LAIR1: variants seen among roughly 807,000 people sequenced by gnomAD.
LAIR1 encodes leukocyte-associated immunoglobulin-like receptor 1.
Under a neutral mutation model 32.8 loss-of-function variants are expected in LAIR1, and 24 were observed. That is an observed-to-expected ratio of 0.73 (90% confidence interval 0.53 to 1.03). LAIR1 has a LOEUF of 1.03. LAIR1 is among the 50% of genes least tolerant of loss of function. The probability of loss-of-function intolerance (pLI) is 0.00; values close to 1 mark genes in which losing one functional copy is unlikely to be tolerated. For missense variants in LAIR1, 355 were observed against 347.5 expected (o/e 1.02, Z -0.17); for synonymous variants, 150 against 140.5 (o/e 1.07, Z -0.48).
chr19:54,363,506 C>A (rs1223868788), intron 2 of LAIR1, among the ~76,000 whole-genome samples: 1 of 152,136 alleles, frequency 6.6e-6, no homozygotes, highest in Non-Finnish European at 1.5e-5. Context: ...CCCAGGGTGA[C>A]CGCAGCACTA....
At position 54,364,632 on chromosome 19, in the gene LAIR1, G is replaced by A; in HGVS notation, c.34+139C>T. The A allele has an allele frequency of 1.1e-6, 1 of 883,972 alleles. No individual in the cohort carries two copies. Among genetic ancestry groups the A allele is most frequent in the Non-Finnish European group, 1.9e-6 (1 of 517,438 alleles). The allele number at this position is 883,972 out of a possible 1,614,324, so 54.8% of individuals were successfully genotyped here. A position where few individuals can be genotyped will look rare whatever the true frequency, so the allele number is the denominator to read the frequency against. The stretch of plus-strand genomic sequence containing the variant: ...CTTCTCTGATCAGACTTAGGCCCCA[G>A]GGAGAGCAGCAGGGCAGTCTTGGGA... On this transcript the variant is annotated intron_variant, in intron 1 of 9. Transcript: ENST00000391742. The surrounding 1 kb of genome is among the most constrained non-coding windows in gnomAD (Gnocchi z 4.8).
At chr19:54,358,399 T>TATATATATAATATATATATATA (rs1555937668) in intron 4 of LAIR1, 1 of 1,914 alleles carries the variant, frequency 5.2e-4, no homozygotes, top group Non-Finnish European at 1.0e-3. Context: ...ATATATATAA[T>TATATATATAATATATATATATA]ATATATATAT....
In LAIR1 at chr19:54,353,776, A is replaced by C. The variant is rs1375137556; in HGVS notation, c.*1492T>G. 6.6e-6 allele frequency: 1 copy of C among 151,158 alleles called. No individual in the cohort carries two copies. Among genetic ancestry groups the C allele is most frequent in the Non-Finnish European group, 1.5e-5 (1 of 67,850 alleles). The allele number at this position is 151,158 out of a possible 1,614,324, so 9.4% of individuals were successfully genotyped here. ...TTGACGGAGTCTCGCTCTGTCGCCC[A>C]GGCTGGAGTGCAGTGGCACCACCTC... On this transcript the variant is annotated 3_prime_UTR_variant, in exon 10 of 10. Coordinates refer to ENST00000391742, the MANE Select transcript of LAIR1 (RefSeq NM_002287.6).
At chr19:54,358,069 T>C (rs2081811929) in intron 4 of LAIR1, 1 of 146,498 alleles carries the variant, frequency 6.8e-6, no homozygotes, top group South Asian at 2.2e-4. Flanking sequence ...TTAATGTATA[T>C]AATGTTAATT....
rs6509867 is a variant in LAIR1 at position 54,354,326 on chromosome 19, C to A, written c.*942G>T. On this transcript the variant is annotated 3_prime_UTR_variant, in exon 10 of 10. Transcript: ENST00000391742. ...CTGTAGGGTCGGCTCTCTGCCTTCA[C>A]CCAGCCACACCTCCCTCATTCATTC... 0.2 allele frequency: 29,828 copies of A among 152,040 alleles called. 3,780 individuals are homozygous for A. The highest frequency in any genetic ancestry group is 0.35 in the African/African-American group (14,608 of 41,394). The allele number at this position is 152,040 out of a possible 1,614,324, so 9.4% of individuals were successfully genotyped here. A position where few individuals can be genotyped will look rare whatever the true frequency, so the allele number is the denominator to read the frequency against.
chr19:54,363,974 C>T (rs1224441293), intron 2 of LAIR1, among the ~76,000 whole-genome samples: 3 of 152,074 alleles, frequency 2.0e-5, no homozygotes, highest in African/African-American at 7.2e-5. Context: ...TGTGATGGGG[C>T]TGATATGTTA....
Position 54,355,955 on chromosome 19 carries a change from G to A in LAIR1, c.716C>T (p.Ser239Leu), listed in dbSNP as rs570552453. 14 of 1,594,368 alleles carry A rather than the reference G, an allele frequency of 8.8e-6. No homozygotes were observed. The Admixed American group carries it at 1.0e-4, about 11-fold the overall frequency. ...LPEKDRETDT[S>L]ALAAGSSQEV... ...TTAATAACTAGTAGGAAGGCTCACC[G>A]AGGTGTCCGTCTCTCTGTCCTTCTC... Residue 239 changes from serine (S) to leucine (L), a missense_variant and splice_region_variant, in exon 9 of 10, where the codon TCG (serine) becomes TTG (leucine). Coordinates refer to ENST00000391742, the MANE Select transcript of LAIR1 (RefSeq NM_002287.6). The surrounding 1 kb of genome is among the most constrained non-coding windows in gnomAD (Gnocchi z 4.7).
At position 54,352,106 on chromosome 19, in the gene LAIR1, C is replaced by A. The variant is rs2081543613; in HGVS notation, c.*3162G>T. 6.6e-6 allele frequency: 1 copy of A among 152,422 alleles called. No homozygotes were observed. 9.4% of individuals were successfully genotyped at this position (152,422 alleles called of 1,614,324 possible). A position where few individuals can be genotyped will look rare whatever the true frequency, so the allele number is the denominator to read the frequency against. On this transcript the variant is annotated 3_prime_UTR_variant, in exon 10 of 10. Coordinates refer to ENST00000391742, the MANE Select transcript of LAIR1 (RefSeq NM_002287.6). Reference sequence around the variant, plus strand: ...AACGCCTTGCCCAGCTGGCCCAGGGCTCCAAGAAAGGGAAGGCCAGACCCC... The same window carrying A: ...AACGCCTTGCCCAGCTGGCCCAGGGATCCAAGAAAGGGAAGGCCAGACCCC...
At position 54,364,892 on chromosome 19, in the gene LAIR1, T is replaced by C; in HGVS notation, c.-88A>G. On this transcript the variant is annotated 5_prime_UTR_variant, in exon 1 of 10. Transcript: ENST00000391742. This position sits in a 1 kb window ranked among gnomAD's most constrained non-coding sequence, Gnocchi z 4.8. ...GCAGACACAAGCAGACAGGATGTGC[T>C]GCCCGGGGGCCTCCTGCCTATGGGG... 2 of 1,611,298 alleles carry C rather than the reference T, an allele frequency of 1.2e-6. No homozygotes were observed. Among genetic ancestry groups the C allele is most frequent in the Non-Finnish European group, 1.7e-6 (2 of 1,178,680 alleles).
At chr19:54,363,812 G>T (rs2082134329) in intron 2 of LAIR1, among the ~76,000 whole-genome samples, 1 of 152,162 alleles carries the variant, frequency 6.6e-6, no homozygotes, top group African/African-American at 2.4e-5. Context: ...GCATGGGAGA[G>T]ACACTGATCA....
rs1277128700 is a variant in LAIR1 at position 54,355,536 on chromosome 19, C to T, written c.718-122G>A. The T allele has an allele frequency of 1.7e-5, 14 of 833,142 alleles. No individual in the cohort carries two copies. Among genetic ancestry groups the T allele is most frequent in the East Asian group, 1.4e-4 (5 of 36,524 alleles). 51.6% of individuals were successfully genotyped at this position (833,142 alleles called of 1,614,324 possible). A position where few individuals can be genotyped will look rare whatever the true frequency, so the allele number is the denominator to read the frequency against. ...TGAGGACCCTCTCCTAAATTGCATC[C>T]GTGTGAAGAGCCCTCCCACAGGGTA... On this transcript the variant is annotated intron_variant, in intron 9 of 9. Coordinates refer to ENST00000391742, the MANE Select transcript of LAIR1 (RefSeq NM_002287.6). This position sits in a 1 kb window ranked among gnomAD's most constrained non-coding sequence, Gnocchi z 4.7.
In LAIR1 at chr19:54,364,713, G is replaced by C. The variant is rs1006781942; in HGVS notation, c.34+58C>G. ...CTGGACTAGAGTCAGGCTTGAGCAG[G>C]GAATTTTCCAGACCTCCCGACCCCC... On this transcript the variant is annotated intron_variant, in intron 1 of 9. Transcript: ENST00000391742. The surrounding 1 kb of genome is among the most constrained non-coding windows in gnomAD (Gnocchi z 4.8). The C allele has an allele frequency of 2.8e-6, 4 of 1,429,386 alleles. No individual in the cohort carries two copies. The highest frequency in any genetic ancestry group is 2.3e-5 in the East Asian group (1 of 43,952). The allele number at this position is 1,429,386 out of a possible 1,614,324, so 88.5% of individuals were successfully genotyped here. A position where few individuals can be genotyped will look rare whatever the true frequency, so the allele number is the denominator to read the frequency against.
rs2122565107 is a variant in LAIR1 at position 54,364,171 on chromosome 19, T to C, written c.70+124A>G. ...TTATGCATTTTACATTTGGAAGAGTTTGCAATCTAGGGTATATTTAAAGGG... is the reference window on the plus strand; with the variant it reads ...TTATGCATTTTACATTTGGAAGAGTCTGCAATCTAGGGTATATTTAAAGGG... On this transcript the variant is annotated intron_variant, in intron 2 of 9. Transcript: ENST00000391742. The surrounding 1 kb of genome is among the most constrained non-coding windows in gnomAD (Gnocchi z 4.8). 1.8e-6 allele frequency: 2 copies of C among 1,134,152 alleles called. No homozygotes were observed. The highest frequency in any genetic ancestry group is 2.6e-6 in the Non-Finnish European group (2 of 773,298). 70.3% of individuals were successfully genotyped at this position (1,134,152 alleles called of 1,614,324 possible).
intron 2 of LAIR1, 117 bp from the exon 3 acceptor site, chr19:54,361,326 T>G: frequency 9.0e-7 from 1 of 1,109,912 alleles, no homozygotes; most frequent in South Asian, 1.4e-5. Flanking sequence ...TATGCAGCCA[T>G]GACCACAGCC....
At chr19:54,362,803 A>C (rs1466194361) in intron 2 of LAIR1, among the ~76,000 whole-genome samples, 1 of 152,168 alleles carries the variant, frequency 6.6e-6, no homozygotes, top group African/African-American at 2.4e-5. Context: ...TCATTTTTAA[A>C]ATGAATTATT....
At position 54,370,308 on chromosome 19, in the gene LAIR1, G is replaced by C. The variant is rs1392751705; in HGVS notation, c.-31C>G. 5 of 1,540,270 alleles carry C rather than the reference G, an allele frequency of 3.2e-6. No individual in the cohort carries two copies. The Admixed American group carries it at 5.9e-5, about 18-fold the overall frequency. ...GTCGCGGATGCAACCCTGGAAGGAA[G>C]ACCTCAGGACGATGATCATCTTCAT... On this transcript the variant is annotated 5_prime_UTR_variant, in exon 1 of 9. Coordinates refer to the LAIR1 transcript ENST00000391743.
chr19:54,373,255 A>T (rs539147261), upstream of LAIR1, among the ~76,000 whole-genome samples: 1 of 151,390 alleles, frequency 6.6e-6, no homozygotes, highest in Non-Finnish European at 1.5e-5. Flanking sequence ...ATCCTGGCCA[A>T]CACGGTGAAA....
Position 54,355,382 on chromosome 19 carries a change from C to CGTCA in LAIR1, c.746_749dup (p.Tyr251AspfsTer49), listed in dbSNP as rs1569184030. ...GGGCCCAGTGGTCCAGCTGAGCATACGTCACCTCCTGGGAACTCCCTGCAG... is the reference window on the plus strand; with the variant it reads ...GGGCCCAGTGGTCCAGCTGAGCATACGTCAGTCACCTCCTGGGAACTCCCTGCAG... On this transcript the variant is annotated frameshift_variant, in exon 10 of 10. Coordinates refer to ENST00000391742, the MANE Select transcript of LAIR1 (RefSeq NM_002287.6). LOFTEE classifies it low-confidence loss of function (END_TRUNC). The surrounding 1 kb of genome is among the most constrained non-coding windows in gnomAD (Gnocchi z 4.7). The CGTCA allele has an allele frequency of 6.2e-7, 1 of 1,611,332 alleles. No homozygotes were observed. The highest frequency in any genetic ancestry group is 1.3e-5 in the African/African-American group (1 of 74,722).
upstream of LAIR1, among the ~76,000 whole-genome samples, chr19:54,368,917 C>A (rs1286114516): frequency 6.6e-6 from 1 of 151,096 alleles, no homozygotes; most frequent in East Asian, 1.9e-4. Context: ...GAACTCCCGA[C>A]CTCAGGTGAT....
Sources: gnomAD v4.1 joint callset for allele counts (sites outside exome capture counted in the v4.1 genomes callset) on GRCh38, gnomAD v4.1.1 for gene constraint, Gnocchi (gnomAD v3.1) non-coding constraint, MANE v1.5 for transcripts, NCBI Gene and HGNC (gene_info 2026-07-23, HGNC 2026-07-21) for gene names.